Variants in CLIP2 observed in about 807,000 individuals in gnomAD.
The protein encoded by CLIP2 is CAP-Gly domain-containing linker protein 2.
A neutral mutation model predicts 111.7 loss-of-function variants in CLIP2; 41 were observed. The observed-to-expected ratio is 0.37, with a 90% CI of 0.29 to 0.48. The LOEUF is 0.48. CLIP2 is among the 20% of genes least tolerant of loss of function. The pLI is 0.99. For missense variants in CLIP2, 1,160 were observed against 1,422.1 expected, an observed-to-expected ratio of 0.82 and a Z score of 2.96; for synonymous variants, 660 against 644.2, an observed-to-expected ratio of 1.02 and a Z score of -0.37.
intron 13 of CLIP2, among the ~76,000 whole-genome samples, chr7:74,389,904 AAAT>A (rs1216559086): frequency 1.5e-5 from 2 of 133,806 alleles, no homozygotes; most frequent in African/African-American, 2.9e-5. Context: ...CATCTCAAAA[AAAT>A]AATAATAATA....
At chr7:74,333,784 C>T (rs782165316) in intron 2 of CLIP2, among the ~76,000 whole-genome samples, 65 of 152,172 alleles carry the variant, frequency 4.3e-4, no homozygotes, top group Non-Finnish European at 7.8e-4. Context: ...TGCCCAGCCT[C>T]ATGTGAGGTT....
chr7:74,371,069 C>T (rs1554311752), intron 8 of CLIP2, among the ~76,000 whole-genome samples: 2 of 151,862 alleles, frequency 1.3e-5, no homozygotes, highest in African/African-American at 4.8e-5. Context: ...ATGGTGAAAC[C>T]CCGTCTCTAC....
Position 74,338,790 on chromosome 7 carries a change from G to T in CLIP2, c.464G>T (p.Gly155Val). The T allele has an allele frequency of 6.2e-7, 1 of 1,610,930 alleles. No individual in the cohort carries two copies. ...LTRQPTAEGS[G>V]SDAHSVESLT... ...CGGCAGCCCACGGCCGAGGGCTCGG[G>T]GAGTGATGCCCACTCCGTGGAGTCG... Residue 155 changes from glycine to valine, a missense_variant, in exon 3 of 17, where the codon GGG (glycine) becomes GTG (valine). Gly to Val is a moderately radical substitution (Grantham distance 109). Coordinates refer to ENST00000223398, the MANE Select transcript of CLIP2 (RefSeq NM_003388.5). This position sits in a 1 kb window ranked among gnomAD's most constrained non-coding sequence, Gnocchi z 4.3.
At chr7:74,323,129 G>C (rs200533736) in intron 2 of CLIP2, among the ~76,000 whole-genome samples, 2 of 145,880 alleles carry the variant, frequency 1.4e-5, no homozygotes, top group East Asian at 4.1e-4. Context: ...TTATTTATTT[G>C]AGATAGGGTC....
chr7:74,395,618 G>A (rs575658886), intron 13 of CLIP2, among the ~76,000 whole-genome samples: 5 of 152,134 alleles, frequency 3.3e-5, no homozygotes, highest in Non-Finnish European at 7.3e-5. Context: ...TGGCCAGTTT[G>A]CTAAGTCCAG....
rs782228688 is a variant in CLIP2, at chr7:74,338,765, C to T, written c.439C>T (p.Arg147Trp). Residue 147 changes from arginine to tryptophan, a missense_variant, in exon 3 of 17, where the codon CGG becomes TGG. Physicochemically the swap from Arg to Trp is moderately radical, Grantham distance 101. Transcript: ENST00000223398. This position sits in a 1 kb window ranked among gnomAD's most constrained non-coding sequence, Gnocchi z 4.3. ...CTTCACGCGGCCCTCCAAGCTGACCCGGCAGCCCACGGCCGAGGGCTCGGG... is the reference window on the plus strand; with the variant it reads ...CTTCACGCGGCCCTCCAAGCTGACCTGGCAGCCCACGGCCGAGGGCTCGGG... ...GIFTRPSKLT[R>W]QPTAEGSGSD... The T allele has an allele frequency of 3.1e-6, 5 of 1,606,672 alleles. No homozygotes were observed. The highest frequency in any genetic ancestry group is 4.2e-6 in the Non-Finnish European group (5 of 1,178,178).
chr7:74,377,836 T>G (rs1228015857), intron 10 of CLIP2, among the ~76,000 whole-genome samples: 8 of 152,066 alleles, frequency 5.3e-5, no homozygotes, highest in Non-Finnish European at 1.2e-4. Flanking sequence ...ACATTTTTTT[T>G]TTTTTTGAGA....
At chr7:74,388,193 G>T (rs782026348) in intron 12 of CLIP2, among the ~76,000 whole-genome samples, 1 of 152,082 alleles carries the variant, frequency 6.6e-6, no homozygotes, top group South Asian at 2.1e-4. Context: ...TTAGCTGAGC[G>T]TGGTAGCGTG....
At chr7:74,357,816 G>A (rs778283447) in intron 6 of CLIP2, among the ~76,000 whole-genome samples, 1 of 150,840 alleles carries the variant, frequency 6.6e-6, no homozygotes, top group Non-Finnish European at 1.5e-5. Flanking sequence ...GGGTGTAGTG[G>A]TGCAATCTCG....
At chr7:74,306,500 G>A (rs187761012) in intron 1 of CLIP2, among the ~76,000 whole-genome samples, 14 of 152,254 alleles carry the variant, frequency 9.2e-5, no homozygotes, top group Admixed American at 4.6e-4. Context: ...AGGCTGGCCC[G>A]CCAAACCAAG....
rs530723175 is a variant in CLIP2 at position 74,294,958 on chromosome 7, G to C, written c.-68+5224G>C. ...TCCTGGAGGAATAGAACTGGGGCTA[G>C]GTTTTGTTTTGTTTTGTTTTGAGAC... is the stretch of plus-strand genomic sequence containing the variant. On this transcript the variant is annotated intron_variant, in intron 1 of 16. Transcript: ENST00000223398. 9.9e-4 allele frequency among the ~76,000 whole-genome samples: 151 copies of C among 151,992 alleles called. 3 individuals carry two copies. The South Asian group carries it at 0.019, about 19-fold the overall frequency.
chr7:74,362,134 TCTCCCCTGCAGCC>T (rs1199547777), intron 7 of CLIP2, among the ~76,000 whole-genome samples: 1 of 148,846 alleles, frequency 6.7e-6, no homozygotes, highest in Non-Finnish European at 1.5e-5. Flanking sequence ...GTGGGACCCA[TCTCCCCTGCAGCC>T]CTCCAACCAA....
rs377600051 is a variant in CLIP2 at position 74,376,549 on chromosome 7, G to A, written c.2148G>A (p.Leu716=). The A allele has an allele frequency of 1.2e-6, 2 of 1,605,774 alleles. No homozygotes were observed. Among genetic ancestry groups the A allele is most frequent in the Non-Finnish European group, 1.7e-6 (2 of 1,177,096 alleles). ...AGGTGCAAGCCAGCCAGCACCGGCTGGAGCTGCAGGAGGCCCAGGACCAGC... is the reference window on the plus strand; with the variant it reads ...AGGTGCAAGCCAGCCAGCACCGGCTAGAGCTGCAGGAGGCCCAGGACCAGC... ...QLEVQASQHR[L]ELQEAQDQRR... The change falls in exon 10 of 17, where the codon CTG becomes CTA. Residue 716 remains leucine (L), a synonymous_variant. Transcript: ENST00000223398. This position sits in a 1 kb window ranked among gnomAD's most constrained non-coding sequence, Gnocchi z 7.1.
chr7:74,350,077 G>A (rs1646530048), intron 3 of CLIP2, among the ~76,000 whole-genome samples: 1 of 150,656 alleles, frequency 6.6e-6, no homozygotes, highest in Non-Finnish European at 1.5e-5. Flanking sequence ...TTTTTGAAAT[G>A]GAGTCTCACT....
chr7:74,306,435 G>A (rs1443343933), intron 1 of CLIP2, among the ~76,000 whole-genome samples: 3 of 152,150 alleles, frequency 2.0e-5, no homozygotes, highest in Non-Finnish European at 2.9e-5. Flanking sequence ...AGCCACGTCC[G>A]GGGTCTCTGC....
chr7:74,347,864 A>T (rs1261273151), intron 3 of CLIP2, among the ~76,000 whole-genome samples: 4 of 152,204 alleles, frequency 2.6e-5, no homozygotes, highest in African/African-American at 9.6e-5. Flanking sequence ...TAAAGATAAG[A>T]AAATATTTCA....
chr7:74,355,543 G>A (rs1219449376), intron 4 of CLIP2, among the ~76,000 whole-genome samples: 7 of 152,160 alleles, frequency 4.6e-5, no homozygotes, highest in Non-Finnish European at 1.0e-4. Flanking sequence ...CCAGGAGGTT[G>A]AGGCTGCAGT....
At chr7:74,398,184 C>A (rs1168889204) in intron 14 of CLIP2, among the ~76,000 whole-genome samples, 1 of 151,844 alleles carries the variant, frequency 6.6e-6, no homozygotes, top group Non-Finnish European at 1.5e-5. Context: ...CATGGCGAAA[C>A]CCCATCTCTG....
chr7:74,310,753 C>T (rs1353618873), intron 1 of CLIP2, among the ~76,000 whole-genome samples: 1 of 151,316 alleles, frequency 6.6e-6, no homozygotes, highest in Non-Finnish European at 1.5e-5. Flanking sequence ...ACTTTGTCAT[C>T]CAGGCTAGAG....
Sources: allele counts gnomAD v4.1 joint callset (sites outside exome capture counted in the v4.1 genomes callset), GRCh38; gene constraint gnomAD v4.1.1; non-coding constraint Gnocchi (gnomAD v3.1); transcripts MANE v1.5; gene names NCBI Gene and HGNC (gene_info 2026-07-23, HGNC 2026-07-21).